The following AHR variants were observed in gnomAD, a reference collection of about 807,000 sequenced individuals.
AHR encodes the protein AH-receptor.
In AHR, 40 loss-of-function variants were observed where a neutral mutation model predicts 86.8. That is an observed-to-expected ratio of 0.46 (90% CI 0.36 to 0.60). The LOEUF (loss-of-function observed/expected upper bound fraction) is 0.60, where lower values mean the gene tolerates loss of function less well. Among genes scored for constraint, AHR ranks in the 20% least tolerant of loss-of-function variants. The probability of loss-of-function intolerance (pLI) is 0.00; values close to 1 mark genes in which losing one functional copy is unlikely to be tolerated. For synonymous variants in AHR, 398 were observed against 354.9 expected, an observed-to-expected ratio of 1.12 and a Z score of -1.37; for missense variants, 1,001 against 1,011.6, an observed-to-expected ratio of 0.99 and a Z score of 0.14.
chr7:17,336,232 G>T (rs182911224), intron 9 of AHR, among the ~76,000 whole-genome samples: 1 of 152,142 alleles, frequency 6.6e-6, no homozygotes, highest in East Asian at 1.9e-4. Flanking sequence ...TTGAGGTAAG[G>T]ATTGATTCCC....
chr7:17,314,710 T>C (rs1351490834), intron 2 of AHR, among the ~76,000 whole-genome samples: 2 of 152,094 alleles, frequency 1.3e-5, no homozygotes, highest in South Asian at 2.1e-4. Flanking sequence ...AATGAAGTAA[T>C]GCACTTCTAA....
At chr7:17,302,144 A>G (rs1054113064) in intron 1 of AHR, among the ~76,000 whole-genome samples, 1 of 151,918 alleles carries the variant, frequency 6.6e-6, no homozygotes, top group African/African-American at 2.4e-5. Context: ...GTTGTAATGG[A>G]TTTCAGCTTA....
intron 9 of AHR, among the ~76,000 whole-genome samples, chr7:17,336,858 A>G (rs1199299333): frequency 6.6e-6 from 1 of 151,922 alleles, no homozygotes; most frequent in East Asian, 1.9e-4. Context: ...CTTTTGGTTT[A>G]TTGATTTTTT....
At chr7:17,338,952 T>G (rs1291522572) in intron 9 of AHR, 34 bp from the exon 10 acceptor site, 2 of 1,515,368 alleles carry the variant, frequency 1.3e-6, no homozygotes, top group Non-Finnish European at 1.8e-6. Flanking sequence ...TTTGATAGAA[T>G]TTTTTTCTAA....
At chr7:17,337,381 G>T (rs1408106770) in intron 9 of AHR, among the ~76,000 whole-genome samples, 1 of 151,194 alleles carries the variant, frequency 6.6e-6, no homozygotes, top group East Asian at 1.9e-4. Context: ...GTTCATATTT[G>T]TATACATTTG....
At chr7:17,337,223 G>GT (rs1782362904) in intron 9 of AHR, among the ~76,000 whole-genome samples, 2 of 151,822 alleles carry the variant, frequency 1.3e-5, no homozygotes, top group South Asian at 2.1e-4. Flanking sequence ...ATGGATTTCA[G>GT]TTTTTTTGAA....
intron 2 of AHR, among the ~76,000 whole-genome samples, chr7:17,316,620 C>T (rs568775125): frequency 5.3e-5 from 8 of 152,220 alleles, no homozygotes; most frequent in African/African-American, 1.2e-4. Flanking sequence ...ACACAAAAGA[C>T]GGAGACAAGT....
chr7:17,309,631 G>T (rs1199117115), intron 1 of AHR, among the ~76,000 whole-genome samples: 1 of 152,122 alleles, frequency 6.6e-6, no homozygotes, highest in Non-Finnish European at 1.5e-5. Flanking sequence ...GCATTTGAGA[G>T]GGGAAAAAAA....
Position 17,299,048 on chromosome 7 carries a change from C to G in AHR, c.-217C>G, listed in dbSNP as rs564963089. On this transcript the variant is annotated 5_prime_UTR_variant, in exon 1 of 11. Coordinates refer to ENST00000242057, the MANE Select transcript of AHR (RefSeq NM_001621.5). ...TCGCCCACCCTCACTGCGCCAGGCCCAGGCAGCTCACCTGTACTGGCGCGG... is the reference window on the plus strand; with the variant it reads ...TCGCCCACCCTCACTGCGCCAGGCCGAGGCAGCTCACCTGTACTGGCGCGG... 1.0e-4 allele frequency: 52 copies of G among 502,904 alleles called. No individual in the cohort carries two copies. In the East Asian group the frequency reaches 1.8e-3, roughly 17 times the overall value. 31.2% of individuals were successfully genotyped at this position (502,904 alleles called of 1,614,324 possible).
intron 8 of AHR, among the ~76,000 whole-genome samples, 158 bp from the exon 9 acceptor site, chr7:17,335,487 C>G (rs766345049): frequency 3.3e-5 from 5 of 151,838 alleles, no homozygotes; most frequent in Non-Finnish European, 5.9e-5. Context: ...CTCTGAAAAA[C>G]TATTTCCATG....
At chr7:17,322,457 T>A in intron 2 of AHR, 44 bp from the exon 3 acceptor site, 1 of 1,320,376 alleles carries the variant, frequency 7.6e-7, no homozygotes, top group Non-Finnish European at 1.1e-6. Context: ...AGCTCTTTAC[T>A]CTTGCTTACT....
chr7:17,304,443 T>A (rs1479443706), intron 1 of AHR, among the ~76,000 whole-genome samples: 1 of 152,112 alleles, frequency 6.6e-6, no homozygotes, highest in Non-Finnish European at 1.5e-5. Context: ...TTCCTGTTTA[T>A]TAGCATCTGG....
intron 1 of AHR, among the ~76,000 whole-genome samples, chr7:17,306,567 C>G (rs921220009): frequency 5.9e-5 from 9 of 152,066 alleles, no homozygotes; most frequent in Non-Finnish European, 1.2e-4. Context: ...ATCATTTCTT[C>G]TCTGTGTCTA....
intron 1 of AHR, among the ~76,000 whole-genome samples, chr7:17,305,401 G>C (rs1471956088): frequency 6.6e-6 from 1 of 152,172 alleles, no homozygotes; most frequent in Non-Finnish European, 1.5e-5. Context: ...TAAGAGTTGG[G>C]CTTTATTGGG....
chr7:17,300,774 G>T (rs1781947263), intron 1 of AHR, among the ~76,000 whole-genome samples: 1 of 152,100 alleles, frequency 6.6e-6, no homozygotes, highest in African/African-American at 2.4e-5. Flanking sequence ...CATCCCAAAT[G>T]TCTGTTCTAT....
In AHR at chr7:17,341,909, G is replaced by A. The variant is rs368782344; in HGVS notation, c.2404-1012G>A. ...TAAAGAGAATGGTGACATGAATTGTGTTATGAGTAATGAGAAAAAATCATT... is the reference window on the plus strand; with the variant it reads ...TAAAGAGAATGGTGACATGAATTGTATTATGAGTAATGAGAAAAAATCATT... On this transcript the variant is annotated intron_variant, in intron 10 of 10. Transcript: ENST00000242057. 1.4e-4 allele frequency among the ~76,000 whole-genome samples: 21 copies of A among 152,184 alleles called. No individual in the cohort carries two copies. In the East Asian group the frequency reaches 1.7e-3, roughly 13 times the overall value.
In AHR at chr7:17,323,584, T is replaced by C. The variant is rs1442756149; in HGVS notation, c.360+977T>C. Among the ~76,000 whole-genome samples the C allele has an allele frequency of 2.6e-5, 4 of 152,276 alleles. No homozygotes were observed. The East Asian group carries it at 5.8e-4, about 22-fold the overall frequency. On this transcript the variant is annotated intron_variant, in intron 3 of 10. Coordinates refer to ENST00000242057, the MANE Select transcript of AHR (RefSeq NM_001621.5). The stretch of plus-strand genomic sequence containing the variant: ...GTGTGCTGTCACCGCTATGTGATCA[T>C]TATCAGTTTCACCCACTGAACTGAC...
At chr7:17,302,584 A>T (rs906606742) in intron 1 of AHR, among the ~76,000 whole-genome samples, 6 of 151,970 alleles carry the variant, frequency 3.9e-5, no homozygotes, top group African/African-American at 1.4e-4. Context: ...AGTTATGGAC[A>T]CTTGCTTATT....
At chr7:17,306,794 T>G (rs1463923330) in intron 1 of AHR, among the ~76,000 whole-genome samples, 2 of 152,164 alleles carry the variant, frequency 1.3e-5, no homozygotes, top group Non-Finnish European at 2.9e-5. Context: ...TGAGTCTGGC[T>G]TAAATCTCTC....
Sources: allele counts gnomAD v4.1 joint callset (sites outside exome capture counted in the v4.1 genomes callset), GRCh38; gene constraint gnomAD v4.1.1; transcripts MANE v1.5; gene names NCBI Gene and HGNC (gene_info 2026-07-23, HGNC 2026-07-21).